Variants in MDGA2 observed in about 807,000 individuals in gnomAD.
MDGA2 encodes MAM domain containing glycosylphosphatidylinositol anchor 2.
A neutral mutation model predicts 117.8 loss-of-function variants in MDGA2; 40 were observed. The observed-to-expected ratio is 0.34, with a 90% CI of 0.26 to 0.44. The LOEUF (loss-of-function observed/expected upper bound fraction) is 0.44, where lower values mean the gene tolerates loss of function less well. Among genes scored for constraint, MDGA2 ranks in the 20% least tolerant of loss-of-function variants. The pLI is 1.00. For synonymous variants in MDGA2, 452 were observed against 439.0 expected (o/e 1.03, Z -0.37); for missense variants, 1,123 against 1,250.6 (o/e 0.90, Z 1.54).
At chr14:47,318,449 T>G (rs1889875146) in intron 1 of MDGA2, among the ~76,000 whole-genome samples, 1 of 152,104 alleles carries the variant, frequency 6.6e-6, no homozygotes. Flanking sequence ...CCCCTCCTCA[T>G]GGACACATTC....
intron 1 of MDGA2, among the ~76,000 whole-genome samples, chr14:47,667,112 C>T (rs888132168): frequency 6.6e-6 from 1 of 152,226 alleles, no homozygotes; most frequent in African/African-American, 2.4e-5. Context: ...CAATTCCGGA[C>T]ACATTACTAC....
chr14:46,986,780 A>G (rs1000498027), intron 8 of MDGA2, among the ~76,000 whole-genome samples: 8 of 152,142 alleles, frequency 5.3e-5, no homozygotes, highest in Admixed American at 2.6e-4. Flanking sequence ...TAATTATTGA[A>G]GTCAGTAGAA....
At chr14:46,942,507 A>G (rs919391175) in intron 9 of MDGA2, among the ~76,000 whole-genome samples, 1 of 152,114 alleles carries the variant, frequency 6.6e-6, no homozygotes, top group Admixed American at 6.6e-5. Context: ...CACCATAATC[A>G]AGATATAGAT....
chr14:47,415,071 AC>A (rs1437562397), intron 1 of MDGA2, among the ~76,000 whole-genome samples: 1 of 152,140 alleles, frequency 6.6e-6, no homozygotes, highest in Non-Finnish European at 1.5e-5. Flanking sequence ...AACTAATGTT[AC>A]TATTCTGATG....
intron 1 of MDGA2, among the ~76,000 whole-genome samples, chr14:47,636,923 G>C (rs1843527107): frequency 6.7e-6 from 1 of 150,250 alleles, no homozygotes; most frequent in East Asian, 2.0e-4. Flanking sequence ...AGTGAGCTGA[G>C]ATCATGCCAC....
rs564859467 is a variant in MDGA2 at position 46,888,729 on chromosome 14, G to C, written c.2239-6508C>G. On this transcript the variant is annotated intron_variant, in intron 10 of 16. Transcript: ENST00000399232. ...GTTTTCCTCTTTTTTTTTTTTCTTG[G>C]ACTATAAATCTTTTTAACCACTATA... Among the ~76,000 whole-genome samples, 14 of 149,900 alleles carry C rather than the reference G, an allele frequency of 9.3e-5. No homozygotes were observed. The South Asian group carries it at 2.9e-3, about 31-fold the overall frequency.
intron 1 of MDGA2, among the ~76,000 whole-genome samples, chr14:47,636,740 G>C (rs1311925535): frequency 1.1e-4 from 14 of 129,122 alleles, no homozygotes; most frequent in African/African-American, 3.5e-4. Context: ...AGCCGAGATC[G>C]TGCCACTGCA....
chr14:47,667,715 G>T (rs1020975886), intron 1 of MDGA2, among the ~76,000 whole-genome samples: 1 of 152,140 alleles, frequency 6.6e-6, no homozygotes, highest in African/African-American at 2.4e-5. Flanking sequence ...ACTTAGAGAC[G>T]CCTAGCTGTG....
chr14:46,962,817 A>C (rs1180901722), intron 8 of MDGA2, among the ~76,000 whole-genome samples: 1 of 152,176 alleles, frequency 6.6e-6, no homozygotes, highest in Non-Finnish European at 1.5e-5. Flanking sequence ...AAAATGCCAA[A>C]TATGAACTTT....
chr14:47,217,953 C>T, intron 3 of MDGA2, 68 bp downstream of exon 3: 1 of 1,291,134 alleles, frequency 7.7e-7, no homozygotes, highest in Non-Finnish European at 1.0e-6. Flanking sequence ...TTTCAGAAAA[C>T]CATAGACTTG....
At chr14:47,442,684 C>T (rs1387642383) in intron 1 of MDGA2, among the ~76,000 whole-genome samples, 1 of 152,110 alleles carries the variant, frequency 6.6e-6, no homozygotes, top group African/African-American at 2.4e-5. Context: ...CCAGCATATA[C>T]TCTAATCCCC....
chr14:47,280,314 C>CAAAAAAAAAAA lies in MDGA2; in HGVS notation c.420+21086_420+21096dup, dbSNP rs1196509408. ...GGGCAACAAAAGTGAAACTCCATCT[C>CAAAAAAAAAAA]AAAAAAAAAAAAAAAAAAAAAAAAA... On this transcript the variant is annotated intron_variant, in intron 2 of 16. Coordinates refer to ENST00000399232, the MANE Select transcript of MDGA2 (RefSeq NM_001113498.3). 4.7e-4 allele frequency among the ~76,000 whole-genome samples: 17 copies of CAAAAAAAAAAA among 35,832 alleles called. 1 individual carries two copies. The highest frequency in any genetic ancestry group is 1.1e-3 in the Admixed American group (2 of 1,822). 23.5% of individuals were successfully genotyped at this position (35,832 alleles called of 152,430 possible). A position where few individuals can be genotyped will look rare whatever the true frequency, so the allele number is the denominator to read the frequency against.
chr14:47,609,428 CAT>C (rs3040345), intron 1 of MDGA2, among the ~76,000 whole-genome samples: 602 of 17,526 alleles, frequency 0.034, 44 homozygotes, highest in South Asian at 0.11. Context: ...AGTATTCCAT[CAT>C]ATATATATAT....
intron 5 of MDGA2, among the ~76,000 whole-genome samples, chr14:47,108,525 A>T (rs1430599968): frequency 3.3e-5 from 5 of 149,382 alleles, no homozygotes; most frequent in Non-Finnish European, 7.4e-5. Flanking sequence ...TTCCTGGCTC[A>T]TCCTGGCTCA....
intron 1 of MDGA2, among the ~76,000 whole-genome samples, chr14:47,590,808 G>T (rs1042453666): frequency 1.3e-5 from 2 of 151,660 alleles, no homozygotes; most frequent in Non-Finnish European, 2.9e-5. Context: ...TTTCTGAATA[G>T]AATAAAATAA....
At chr14:47,189,527 TA>T (rs913633911) in intron 3 of MDGA2, among the ~76,000 whole-genome samples, 13 of 151,296 alleles carry the variant, frequency 8.6e-5, no homozygotes, top group African/African-American at 2.4e-4. Context: ...TATTCCTCCT[TA>T]AAAAAAAATT....
intron 1 of MDGA2, among the ~76,000 whole-genome samples, chr14:47,417,142 A>T (rs564575112): frequency 6.6e-6 from 1 of 152,242 alleles, no homozygotes; most frequent in South Asian, 2.1e-4. Context: ...TTTCTATATA[A>T]ATAAGTTGAG....
At chr14:47,408,273 CTCTA>C (rs1287168674) in intron 1 of MDGA2, among the ~76,000 whole-genome samples, 1 of 152,052 alleles carries the variant, frequency 6.6e-6, no homozygotes, top group African/African-American at 2.4e-5. Flanking sequence ...CCAGGATGGT[CTCTA>C]TCTACTGACC....
chr14:47,347,829 A>T (rs554585854), intron 1 of MDGA2, among the ~76,000 whole-genome samples: 1 of 152,310 alleles, frequency 6.6e-6, no homozygotes, highest in South Asian at 2.1e-4. Context: ...CACAAAAATG[A>T]CTGACATGAA....
Sources: gnomAD v4.1 joint callset for allele counts (sites outside exome capture counted in the v4.1 genomes callset) on GRCh38, gnomAD v4.1.1 for gene constraint, MANE v1.5 for transcripts, NCBI Gene and HGNC (gene_info 2026-07-23, HGNC 2026-07-21) for gene names.